TBX15: variants seen among roughly 807,000 people sequenced by gnomAD.
TBX15 encodes the protein T-box transcription factor 15.
A neutral mutation model predicts 53.9 loss-of-function variants in TBX15; 18 were observed. The ratio of observed to expected loss-of-function variants is 0.33; its 90% CI spans 0.23 to 0.49. The LOEUF (loss-of-function observed/expected upper bound fraction) is 0.49. TBX15 is among the 20% of genes least tolerant of loss of function. The probability of loss-of-function intolerance (pLI) is 0.98; values close to 1 mark genes in which losing one functional copy is unlikely to be tolerated. For synonymous variants in TBX15, 295 were observed against 278.0 expected (o/e 1.06, Z -0.61); for missense variants, 692 against 749.5 (o/e 0.92, Z 0.90).
At chr1:118,889,527 C>T (rs1654065038) in intron 7 of TBX15, among the ~76,000 whole-genome samples, 1 of 152,178 alleles carries the variant, frequency 6.6e-6, no homozygotes, top group Non-Finnish European at 1.5e-5. Context: ...TGCCCTCCTC[C>T]CCTCTGTACC....
At chr1:118,928,154 A>C (rs1262247075) in intron 2 of TBX15, among the ~76,000 whole-genome samples, 1 of 152,232 alleles carries the variant, frequency 6.6e-6, no homozygotes, top group Admixed American at 6.5e-5. Context: ...GCAACCCAAA[A>C]GGCTAATATC....
At chr1:118,958,634 C>G (rs1656770637) in intron 1 of TBX15, among the ~76,000 whole-genome samples, 1 of 152,164 alleles carries the variant, frequency 6.6e-6, no homozygotes, top group Admixed American at 6.5e-5. Flanking sequence ...GTCTATGACT[C>G]CATTCCCACC....
rs771555987 is a variant in TBX15 at position 118,884,546 on chromosome 1, G to A, written c.*186C>T. 4 of 698,420 alleles carry A rather than the reference G, an allele frequency of 5.7e-6. No homozygotes were observed. Among genetic ancestry groups the A allele is most frequent in the Non-Finnish European group, 6.9e-6 (3 of 432,032 alleles). The allele number at this position is 698,420 out of a possible 1,614,324, so 43.3% of individuals were successfully genotyped here. ...CCACTGAGTTGCGGATGATTCTATC[G>A]CAAGTATCCTTCACTGGCTTAAAGG... On this transcript the variant is annotated 3_prime_UTR_variant, in exon 8 of 8. Transcript: ENST00000369429.
intron 1 of TBX15, among the ~76,000 whole-genome samples, chr1:118,950,849 C>T (rs1301455286): frequency 2.6e-5 from 4 of 152,150 alleles, no homozygotes; most frequent in East Asian, 3.9e-4. Flanking sequence ...CAGTTCTCAT[C>T]GAAGGATCAG....
At chr1:118,978,132 C>T (rs183703383) in intron 1 of TBX15, among the ~76,000 whole-genome samples, 3 of 152,352 alleles carry the variant, frequency 2.0e-5, no homozygotes, top group Admixed American at 1.3e-4. Context: ...TTACATCATA[C>T]ACAAGGACTG....
chr1:118,988,088 C>T lies in TBX15; in HGVS notation c.-293G>A, dbSNP rs1240358506. On this transcript the variant is annotated 5_prime_UTR_variant, in exon 1 of 8. Transcript: ENST00000369429. Reference sequence around the variant, plus strand: ...CCTGCTTCCCACCCACCGGGGCAGGCGCTCACAGACTGTGTCCACTGAACT... The same window carrying T: ...CCTGCTTCCCACCCACCGGGGCAGGTGCTCACAGACTGTGTCCACTGAACT... The T allele has an allele frequency of 3.9e-6, 2 of 508,200 alleles. No individual in the cohort carries two copies. The highest frequency in any genetic ancestry group is 3.6e-5 in the East Asian group (1 of 28,166). The allele number at this position is 508,200 out of a possible 1,614,324, so 31.5% of individuals were successfully genotyped here.
At chr1:118,885,573 A>G in intron 7 of TBX15, 57 bp from the exon 8 acceptor site, 1 of 1,545,094 alleles carries the variant, frequency 6.5e-7, no homozygotes, top group Non-Finnish European at 8.7e-7. Flanking sequence ...GAGTCTGCCT[A>G]AGTCACATGC....
intron 1 of TBX15, among the ~76,000 whole-genome samples, chr1:118,933,806 A>G (rs1013544155): frequency 6.6e-5 from 10 of 152,184 alleles, no homozygotes; most frequent in Admixed American, 2.0e-4. Flanking sequence ...CTCCTCAGAA[A>G]AAGATTTTTA....
At chr1:118,911,973 A>G (rs1397081132) in intron 6 of TBX15, among the ~76,000 whole-genome samples, 2 of 152,244 alleles carry the variant, frequency 1.3e-5, no homozygotes, top group African/African-American at 4.8e-5. Context: ...ATTGACATAC[A>G]TATTTCTTGA....
chr1:118,902,251 C>T (rs533378703), intron 6 of TBX15, among the ~76,000 whole-genome samples: 1 of 152,110 alleles, frequency 6.6e-6, no homozygotes, highest in Non-Finnish European at 1.5e-5. Flanking sequence ...GTCCTCAACC[C>T]TATTATGCTT....
At chr1:118,890,040 G>A (rs1654083749) in intron 7 of TBX15, among the ~76,000 whole-genome samples, 1 of 152,190 alleles carries the variant, frequency 6.6e-6, no homozygotes, top group Non-Finnish European at 1.5e-5. Flanking sequence ...GCCTCTGTCT[G>A]TGGAGCTAAG....
At chr1:118,950,039 T>C (rs1340417638) in intron 1 of TBX15, among the ~76,000 whole-genome samples, 1 of 152,250 alleles carries the variant, frequency 6.6e-6, no homozygotes, top group Non-Finnish European at 1.5e-5. Flanking sequence ...TCCTACTATC[T>C]GGCTTGAAAA....
In TBX15 at chr1:118,884,629, G is replaced by C. The variant is rs542151997; in HGVS notation, c.*103C>G. 9 of 1,145,170 alleles carry C rather than the reference G, an allele frequency of 7.9e-6. No homozygotes were observed. Among genetic ancestry groups the C allele is most frequent in the Non-Finnish European group, 1.0e-5 (8 of 801,450 alleles). 70.9% of individuals were successfully genotyped at this position (1,145,170 alleles called of 1,614,324 possible). A position where few individuals can be genotyped will look rare whatever the true frequency, so the allele number is the denominator to read the frequency against. ...AGAAAAAAAAAAAAAAAAAAAACAC[G>C]GTTCCTGTTTTTCAAAGACACTGGA... On this transcript the variant is annotated 3_prime_UTR_variant, in exon 8 of 8. Transcript: ENST00000369429.
chr1:118,893,269 A>AG (rs1335408048), intron 7 of TBX15, among the ~76,000 whole-genome samples: 1 of 61,086 alleles, frequency 1.6e-5, no homozygotes, highest in African/African-American at 9.0e-5. Context: ...AAAGAAAGGA[A>AG]GAAGGAAGGA....
At chr1:118,964,948 G>A (rs1191515489) in intron 1 of TBX15, among the ~76,000 whole-genome samples, 1 of 152,254 alleles carries the variant, frequency 6.6e-6, no homozygotes, top group Non-Finnish European at 1.5e-5. Context: ...AGTTGTAACA[G>A]GGTGTTCATT....
chr1:118,929,593 C>T (rs1313378127), intron 2 of TBX15, among the ~76,000 whole-genome samples: 2 of 152,102 alleles, frequency 1.3e-5, no homozygotes, highest in Non-Finnish European at 1.5e-5. Flanking sequence ...TACTAAAGAA[C>T]AAACTATGTG....
rs565644980 is a variant in TBX15, at chr1:118,903,735, A to G, written c.927-4610T>C. Among the ~76,000 whole-genome samples, 15 of 152,324 alleles carry G rather than the reference A, an allele frequency of 9.8e-5. No individual in the cohort carries two copies. The South Asian group carries it at 2.9e-3, about 29-fold the overall frequency. ...CCAACCAGAAAAAAATACTTATAAT[A>G]CTAAGTTCAGGAAATATAAAGACAG... On this transcript the variant is annotated intron_variant, in intron 6 of 7. Coordinates refer to ENST00000369429, the MANE Select transcript of TBX15 (RefSeq NM_001330677.2).
intron 6 of TBX15, among the ~76,000 whole-genome samples, chr1:118,900,670 C>T (rs1226123026): frequency 6.6e-6 from 1 of 152,140 alleles, no homozygotes; most frequent in Non-Finnish European, 1.5e-5. Context: ...GAGACATCTC[C>T]ACATAGTCAC....
intron 2 of TBX15, 121 bp downstream of exon 2, chr1:118,931,498 G>A: frequency 9.9e-7 from 1 of 1,015,140 alleles, no homozygotes; most frequent in Non-Finnish European, 1.5e-6. Context: ...ATGCAGAGAA[G>A]TGAGTGCAAG....
Sources: allele counts gnomAD v4.1 joint callset (sites outside exome capture counted in the v4.1 genomes callset), GRCh38; gene constraint gnomAD v4.1.1; transcripts MANE v1.5; gene names NCBI Gene and HGNC (gene_info 2026-07-23, HGNC 2026-07-21).